LCOR: variants seen among roughly 807,000 people sequenced by gnomAD.
LCOR encodes the protein ligand dependent nuclear receptor corepressor.
In LCOR, 14 loss-of-function variants were observed where a neutral mutation model predicts 64.4. The observed-to-expected ratio is 0.22, with a 90% CI of 0.14 to 0.34. The LOEUF is 0.34. Among genes scored for constraint, LCOR ranks in the 10% least tolerant of loss-of-function variants. The pLI is 1.00. For missense variants in LCOR, 1,686 were observed against 1,765.3 expected (o/e 0.96, Z 0.80); for synonymous variants, 643 against 642.5 (o/e 1.00, Z -0.01).
chr10:96,946,212 G>T (rs1847587940), intron 5 of LCOR, among the ~76,000 whole-genome samples: 1 of 152,006 alleles, frequency 6.6e-6, no homozygotes, highest in East Asian at 1.9e-4. Flanking sequence ...TACCAAAAAT[G>T]TTTAGTATCC....
intron 2 of LCOR, among the ~76,000 whole-genome samples, chr10:96,840,092 C>A (rs1413853677): frequency 6.6e-6 from 1 of 152,160 alleles, no homozygotes; most frequent in African/African-American, 2.4e-5. Flanking sequence ...TGGTCTGTTA[C>A]AAAGTGTCAG....
At chr10:96,857,526 CTA>C (rs1845825602) in intron 2 of LCOR, among the ~76,000 whole-genome samples, 1 of 152,110 alleles carries the variant, frequency 6.6e-6, no homozygotes, top group Non-Finnish European at 1.5e-5. Context: ...TCTTTAGCCT[CTA>C]TATACTCTTA....
At chr10:96,971,468 G>C (rs1207611193) in intron 7 of LCOR, among the ~76,000 whole-genome samples, 1 of 152,156 alleles carries the variant, frequency 6.6e-6, no homozygotes, top group Non-Finnish European at 1.5e-5. Context: ...TGACCTAGAG[G>C]AGGTTCACAG....
intron 2 of LCOR, among the ~76,000 whole-genome samples, chr10:96,868,030 A>G (rs1846003916): frequency 1.3e-5 from 2 of 148,390 alleles, no homozygotes; most frequent in East Asian, 4.2e-4. Context: ...GATTACAGGC[A>G]TGCACCACCG....
At position 96,889,233 on chromosome 10, in the gene LCOR, T is replaced by C. The variant is rs182115654; in HGVS notation, c.-329-18032T>C. On this transcript the variant is annotated intron_variant, in intron 2 of 7. Transcript: ENST00000421806. The stretch of plus-strand genomic sequence containing the variant: ...TGGACATTTCATATAAATGGAATCA[T>C]ACAATATATGGCCTTTTGTGTCTGG... Among the ~76,000 whole-genome samples the C allele has an allele frequency of 3.0e-3, 460 of 152,344 alleles. 3 individuals carry two copies. The highest frequency in any genetic ancestry group is 0.011 in the African/African-American group (440 of 41,582).
chr10:96,950,288 C>T (rs748958477), intron 6 of LCOR, among the ~76,000 whole-genome samples: 19 of 152,090 alleles, frequency 1.2e-4, no homozygotes, highest in Non-Finnish European at 2.5e-4. Flanking sequence ...TTGCTTTTAT[C>T]CTTTTCCTGT....
chr10:96,834,880 T>C (rs1055616403), intron 2 of LCOR, among the ~76,000 whole-genome samples: 2 of 152,040 alleles, frequency 1.3e-5, no homozygotes, highest in African/African-American at 4.8e-5. Context: ...TGACAAGATG[T>C]GTTTTTGTTT....
chr10:96,853,637 C>T (rs1845755693), intron 2 of LCOR, among the ~76,000 whole-genome samples: 4 of 152,080 alleles, frequency 2.6e-5, no homozygotes, highest in Non-Finnish European at 5.9e-5. Flanking sequence ...TGTAGGTTGA[C>T]CTAAGTTGGG....
At chr10:96,904,685 A>G (rs1308436752) in intron 2 of LCOR, among the ~76,000 whole-genome samples, 1 of 152,208 alleles carries the variant, frequency 6.6e-6, no homozygotes, top group Non-Finnish European at 1.5e-5. Context: ...ACATAACGGC[A>G]TGGCTGTCTT....
chr10:96,974,986 G>A (rs988736932), intron 7 of LCOR, among the ~76,000 whole-genome samples: 1 of 152,104 alleles, frequency 6.6e-6, no homozygotes, highest in Non-Finnish European at 1.5e-5. Flanking sequence ...CTGGCCAACA[G>A]GGTGTAAAAC....
intron 7 of LCOR, 62 bp from the exon 8 acceptor site, chr10:96,980,731 A>T (rs756985731): frequency 1.6e-6 from 1 of 610,732 alleles, no homozygotes; most frequent in East Asian, 2.7e-5. Context: ...GAATTTTATA[A>T]TGTAAAAATG....
rs57176653 is a variant in LCOR at position 96,896,250 on chromosome 10, A to T, written c.-329-11015A>T. On this transcript the variant is annotated intron_variant, in intron 2 of 7. Transcript: ENST00000421806. Reference sequence around the variant, plus strand: ...GGGATCTCACTATTACCGTATAGTCATACCTTATGTCATTGACTTTTTTTA... The same window carrying T: ...GGGATCTCACTATTACCGTATAGTCTTACCTTATGTCATTGACTTTTTTTA... 9.9e-3 allele frequency among the ~76,000 whole-genome samples: 1,512 copies of T among 152,250 alleles called. 22 individuals carry two copies. Among genetic ancestry groups the T allele is most frequent in the African/African-American group, 0.031 (1,297 of 41,526 alleles).
At chr10:96,908,369 A>T (rs1846766503) in intron 4 of LCOR, among the ~76,000 whole-genome samples, 1 of 152,210 alleles carries the variant, frequency 6.6e-6, no homozygotes. Flanking sequence ...TAAAAAATGA[A>T]ATGTGTGGTA....
chr10:96,896,645 A>C (rs748585203), intron 2 of LCOR, among the ~76,000 whole-genome samples: 17 of 152,216 alleles, frequency 1.1e-4, no homozygotes, highest in Non-Finnish European at 2.4e-4. Context: ...GCTGGTCTTG[A>C]ACTCCTGACC....
Position 96,991,381 on chromosome 10 carries a change from A to G in LCOR, c.*6247A>G, listed in dbSNP as rs1328658033. 1 of 152,192 alleles carries G rather than the reference A, an allele frequency of 6.6e-6. No homozygotes were observed. The highest frequency in any genetic ancestry group is 1.5e-5 in the Non-Finnish European group (1 of 68,040). 9.4% of individuals were successfully genotyped at this position (152,192 alleles called of 1,614,324 possible). On this transcript the variant is annotated 3_prime_UTR_variant, in exon 8 of 8. Coordinates refer to ENST00000421806, the MANE Select transcript of LCOR (RefSeq NM_001346516.2). Reference sequence around the variant, plus strand: ...TCTATTAGGGTATGTAGTGAAAACTAAAAGTGCAGTCTTTAAAAGTACAGT... The same window carrying G: ...TCTATTAGGGTATGTAGTGAAAACTGAAAGTGCAGTCTTTAAAAGTACAGT...
rs1847632295 is a variant in LCOR at position 96,949,027 on chromosome 10, C to T, written c.-31C>T. The T allele has an allele frequency of 1.2e-6, 2 of 1,612,098 alleles. No individual in the cohort carries two copies. Among genetic ancestry groups the T allele is most frequent in the East Asian group, 2.2e-5 (1 of 44,868 alleles). On this transcript the variant is annotated 5_prime_UTR_variant, in exon 6 of 8. Transcript: ENST00000421806. ...TTACAGACAGTCCCTGGGTCTCCGACCCCAATATTCCCCTAGTGGCCCGTG... is the reference window on the plus strand; with the variant it reads ...TTACAGACAGTCCCTGGGTCTCCGATCCCAATATTCCCCTAGTGGCCCGTG...
chr10:96,908,864 C>T lies in LCOR; in HGVS notation c.-184+1117C>T, dbSNP rs183729208. 6.2e-4 allele frequency among the ~76,000 whole-genome samples: 95 copies of T among 152,102 alleles called. No individual in the cohort carries two copies. In the East Asian group the frequency reaches 0.012, roughly 20 times the overall value. On this transcript the variant is annotated intron_variant, in intron 4 of 7. Coordinates refer to ENST00000421806, the MANE Select transcript of LCOR (RefSeq NM_001346516.2). Reference sequence around the variant, plus strand: ...ACGAGTAGCTGGGACTACAGGCGCCCGCCACCTCGCCCGGCTAATTTTTTG... The same window carrying T: ...ACGAGTAGCTGGGACTACAGGCGCCTGCCACCTCGCCCGGCTAATTTTTTG...
intron 7 of LCOR, chr10:96,959,288 T>G (rs1486223026): frequency 6.6e-6 from 1 of 152,194 alleles, no homozygotes; most frequent in Non-Finnish European, 1.5e-5. Flanking sequence ...ATTTTTATGG[T>G]ATGGGAAAGT....
intron 2 of LCOR, among the ~76,000 whole-genome samples, chr10:96,900,925 C>T (rs1276965474): frequency 6.7e-6 from 1 of 149,184 alleles, no homozygotes; most frequent in Non-Finnish European, 1.5e-5. Flanking sequence ...CGCAGTGGCT[C>T]ACACCTGTAA....
Sources: gnomAD v4.1 joint callset for allele counts (sites outside exome capture counted in the v4.1 genomes callset) on GRCh38, gnomAD v4.1.1 for gene constraint, MANE v1.5 for transcripts, NCBI Gene and HGNC (gene_info 2026-07-23, HGNC 2026-07-21) for gene names.